CCDC61: variants seen among roughly 807,000 people sequenced by gnomAD.
CCDC61 encodes the protein centrosomal protein CCDC61.
In CCDC61, 55 loss-of-function variants were observed where a neutral mutation model predicts 63.0. The observed-to-expected ratio is 0.87, with a 90% confidence interval of 0.70 to 1.09. The LOEUF is 1.09. Among genes scored for constraint, CCDC61 ranks in the 50% least tolerant of loss-of-function variants. CCDC61 has a pLI of 0.00. For synonymous variants in CCDC61, 270 were observed against 317.0 expected (o/e 0.85, Z 1.58); for missense variants, 651 against 731.4 (o/e 0.89, Z 1.27).
intron 5 of CCDC61, among the ~76,000 whole-genome samples, chr19:46,010,227 A>C (rs1213197858): frequency 6.6e-6 from 1 of 152,196 alleles, no homozygotes; most frequent in Non-Finnish European, 1.5e-5. Context: ...TGAGGCTCAG[A>C]GATGTGAAGT....
At chr19:46,004,129 G>T (rs1321019562) in intron 3 of CCDC61, among the ~76,000 whole-genome samples, 1 of 151,874 alleles carries the variant, frequency 6.6e-6, no homozygotes, top group African/African-American at 2.4e-5. Context: ...TAGTAGAGAC[G>T]GGGTTTCATC....
chr19:46,016,121 TCCGCGTCGCGAGGCCGCGGCG>T lies in CCDC61; in HGVS notation c.919_939del (p.Ser307_Ala313del). ...CCGGGCCTCATCGTCCCGGGAGCGC[TCCGCGTCGCGAGGCCGCGGCG>T]CCGCGCGCTCCTCATCCCGGGAGAG... On this transcript the variant is annotated inframe_deletion, in exon 8 of 14. Transcript: ENST00000595358. The surrounding 1 kb of genome is among the most constrained non-coding windows in gnomAD (Gnocchi z 7.2). 1 of 1,226,982 alleles carries T rather than the reference TCCGCGTCGCGAGGCCGCGGCG, an allele frequency of 8.2e-7. No individual in the cohort carries two copies. The highest frequency in any genetic ancestry group is 1.9e-5 in the African/African-American group (1 of 51,950). The allele number at this position is 1,226,982 out of a possible 1,614,324, so 76.0% of individuals were successfully genotyped here.
rs1968961724 is a variant in CCDC61 at position 46,017,215 on chromosome 19, ACCACTGGTCCTTGGTTACT to A, written c.1311-29_1311-11del. 6.4e-7 allele frequency: 1 copy of A among 1,554,234 alleles called. No homozygotes were observed. Among genetic ancestry groups the A allele is most frequent in the African/African-American group, 1.4e-5 (1 of 73,352 alleles). ...AGGTGGGAAGTACCAGAGCCTCCCCACCACTGGTCCTTGGTTACTCCTTTTTCTCAGGGGTCACCGCCGC... is the reference window on the plus strand; with the variant it reads ...AGGTGGGAAGTACCAGAGCCTCCCCACCTTTTTCTCAGGGGTCACCGCCGC... On this transcript the variant is annotated splice_polypyrimidine_tract_variant and intron_variant, in intron 11 of 13. Coordinates refer to ENST00000595358, the MANE Select transcript of CCDC61 (RefSeq NM_001267723.2).
At chr19:46,008,657 C>T (rs1326635309) in intron 5 of CCDC61, among the ~76,000 whole-genome samples, 2 of 152,180 alleles carry the variant, frequency 1.3e-5, no homozygotes, top group African/African-American at 4.8e-5. Context: ...GATCTGCCCG[C>T]GTTGGCCTCC....
At chr19:46,005,082 C>T (rs760936282) in intron 3 of CCDC61, among the ~76,000 whole-genome samples, 14 of 151,984 alleles carry the variant, frequency 9.2e-5, no homozygotes, top group Non-Finnish European at 1.9e-4. Flanking sequence ...ATGATATTGG[C>T]TCACTGCAAC....
chr19:46,005,065 C>T (rs1421199816), intron 3 of CCDC61, among the ~76,000 whole-genome samples: 2 of 151,870 alleles, frequency 1.3e-5, no homozygotes, highest in Non-Finnish European at 2.9e-5. Context: ...GGCTGGAGTG[C>T]AGTGGCATGA....
chr19:46,016,222 A>T lies in CCDC61; in HGVS notation c.1014A>T (p.Thr338=). ...GRPARPSPSP[T]GGRALRFDPT... ...CTGCGCGCCCCTCGCCCTCGCCCAC[A>T]GGTCTGTGCCCCTGCCCTGCGGTAG... Residue 338 remains threonine, a splice_region_variant and synonymous_variant, in exon 8 of 14, where the codon ACA becomes ACT. Transcript: ENST00000595358. This position sits in a 1 kb window ranked among gnomAD's most constrained non-coding sequence, Gnocchi z 7.2. 6.7e-7 allele frequency: 1 copy of T among 1,500,136 alleles called. No homozygotes were observed. Among genetic ancestry groups the T allele is most frequent in the South Asian group, 1.3e-5 (1 of 77,362 alleles). 92.9% of individuals were successfully genotyped at this position (1,500,136 alleles called of 1,614,324 possible).
chr19:46,006,198 G>A (rs1037776578), intron 3 of CCDC61, among the ~76,000 whole-genome samples: 7 of 152,116 alleles, frequency 4.6e-5, no homozygotes, highest in South Asian at 2.1e-4. Flanking sequence ...TACCATTCGC[G>A]CACATGTCAA....
Position 46,015,485 on chromosome 19 carries a change from G to A in CCDC61, c.845+58G>A. 6.8e-7 allele frequency: 1 copy of A among 1,471,782 alleles called. No homozygotes were observed. The highest frequency in any genetic ancestry group is 9.1e-7 in the Non-Finnish European group (1 of 1,094,386). 91.2% of individuals were successfully genotyped at this position (1,471,782 alleles called of 1,614,324 possible). ...ATGGGCGGGCCCTGAGGGTGTGGAG[G>A]CTGATGAGGCGGAGCCTAAGGGGGC... On this transcript the variant is annotated intron_variant, in intron 7 of 13. Transcript: ENST00000595358. This position sits in a 1 kb window ranked among gnomAD's most constrained non-coding sequence, Gnocchi z 5.3.
At chr19:45,999,712 ACG>A (rs1164143969) in intron 1 of CCDC61, among the ~76,000 whole-genome samples, 2 of 152,038 alleles carry the variant, frequency 1.3e-5, no homozygotes, top group Non-Finnish European at 2.9e-5. Context: ...TGGTGATGTA[ACG>A]CTGGAAAGGA....
intron 3 of CCDC61, among the ~76,000 whole-genome samples, chr19:46,004,509 G>A (rs1258830542): frequency 2.0e-5 from 3 of 152,166 alleles, no homozygotes; most frequent in Admixed American, 6.6e-5. Flanking sequence ...CTGTCTCCCA[G>A]GCTGGAGTGC....
intron 3 of CCDC61, among the ~76,000 whole-genome samples, chr19:46,003,820 CGTGTGTGTGTGTGTGT>C (rs55945123): frequency 5.6e-5 from 8 of 144,008 alleles, no homozygotes; most frequent in South Asian, 2.3e-4. Flanking sequence ...TTTCCAAATA[CGTGTGTGTGTGTGTGT>C]GTGTGTGTGT....
At chr19:46,008,597 A>C (rs1030603225) in intron 5 of CCDC61, among the ~76,000 whole-genome samples, 7 of 151,966 alleles carry the variant, frequency 4.6e-5, no homozygotes, top group African/African-American at 1.7e-4. Context: ...TTAGTAGAGA[A>C]GGGGTTTTGC....
chr19:46,008,118 G>C (rs773296627), intron 4 of CCDC61, 22 bp from the exon 5 acceptor site: 3 of 1,583,168 alleles, frequency 1.9e-6, no homozygotes, highest in South Asian at 1.1e-5. Flanking sequence ...GAGATGCCAC[G>C]GTTTTAATCC....
intron 5 of CCDC61, among the ~76,000 whole-genome samples, chr19:46,013,017 A>ATTT (rs547379016): frequency 0.014 from 2,049 of 144,614 alleles, 20 homozygotes; most frequent in Middle Eastern, 0.025. Flanking sequence ...ATGCCAAGCT[A>ATTT]TTTTTTTTTT....
rs746274173 is a variant in CCDC61, at chr19:46,016,332, C to G, written c.1030C>G (p.Arg344Gly). The change falls in exon 9 of 14, where the codon CGC becomes GGC. Residue 344 changes from arginine (R) to glycine (G), a missense_variant. Transcript: ENST00000595358. The surrounding 1 kb of genome is among the most constrained non-coding windows in gnomAD (Gnocchi z 7.2). Reference sequence around the variant, plus strand: ...CGCCGTCCTAGGTGGTCGCGCGCTCCGCTTCGACCCCACGGCCTTTGTGAA... The same window carrying G: ...CGCCGTCCTAGGTGGTCGCGCGCTCGGCTTCGACCCCACGGCCTTTGTGAA... The part of the protein sequence containing the change: ...SPSPTGGRAL[R>G]FDPTAFVKAK... 1 of 1,613,902 alleles carries G rather than the reference C, an allele frequency of 6.2e-7. No homozygotes were observed. Among genetic ancestry groups the G allele is most frequent in the Non-Finnish European group, 8.5e-7 (1 of 1,179,844 alleles).
In CCDC61 at chr19:46,008,182, C is replaced by T; in HGVS notation, c.432C>T (p.Asp144=). 1 of 1,612,878 alleles carries T rather than the reference C, an allele frequency of 6.2e-7. No individual in the cohort carries two copies. Among genetic ancestry groups the T allele is most frequent in the Non-Finnish European group, 8.5e-7 (1 of 1,179,516 alleles). The stretch of plus-strand genomic sequence containing the variant: ...CCCTCCCGTACCAGGGCAAGCCAGA[C>T]CCCGTGGTTCTGCAGGGCATCATCC... ...PLPLPYQGKP[D]PVVLQGIIRS... The change falls in exon 5 of 14, where the codon GAC becomes GAT. Residue 144 remains aspartate, a synonymous_variant. Coordinates refer to ENST00000595358, the MANE Select transcript of CCDC61 (RefSeq NM_001267723.2).
Position 46,003,144 on chromosome 19 carries a change from G to A in CCDC61, c.126G>A (p.Trp42Ter). The change falls in exon 2 of 14, where the codon TGG becomes TGA. Residue 42 changes from tryptophan (W) to a stop codon, truncating the protein, a stop_gained. Coordinates refer to ENST00000595358, the MANE Select transcript of CCDC61 (RefSeq NM_001267723.2). LOFTEE classifies it high-confidence loss of function. ...AGGACCGGATGACGGCTGACCAGTG[G>A]CGGGGCGAGTTCGATGCTGGCTGTG... The part of the protein sequence containing the change: ...EVEDRMTADQ[W>*]RGEFDAGFIE... 6.2e-7 allele frequency: 1 copy of A among 1,611,220 alleles called. No homozygotes were observed. The highest frequency in any genetic ancestry group is 1.1e-5 in the South Asian group (1 of 90,390).
intron 1 of CCDC61, among the ~76,000 whole-genome samples, chr19:46,000,736 G>A (rs1296091219): frequency 6.6e-6 from 1 of 151,980 alleles, no homozygotes; most frequent in African/African-American, 2.4e-5. Flanking sequence ...GGTGAAGTTT[G>A]TGGAGGTGAG....
Sources: allele counts gnomAD v4.1 joint callset (sites outside exome capture counted in the v4.1 genomes callset), GRCh38; gene constraint gnomAD v4.1.1; non-coding constraint Gnocchi (gnomAD v3.1); transcripts MANE v1.5; gene names NCBI Gene and HGNC (gene_info 2026-07-23, HGNC 2026-07-21).